QKI: variants seen among roughly 807,000 people sequenced by gnomAD.
The protein encoded by QKI is QKI, KH domain containing RNA binding, also known as KH domain-containing RNA-binding protein QKI.
QKI carries 10 observed loss-of-function variants against 39.0 expected under a neutral mutation model. That is an observed-to-expected ratio of 0.26 (90% confidence interval 0.16 to 0.43). The LOEUF is 0.43. QKI is among the 20% of genes least tolerant of loss of function. QKI has a pLI of 1.00. For missense variants in QKI, 218 were observed against 428.0 expected, an observed-to-expected ratio of 0.51 and a Z score of 4.33; for synonymous variants, 204 against 155.4, an observed-to-expected ratio of 1.31 and a Z score of -2.33.
intron 1 of QKI, among the ~76,000 whole-genome samples, chr6:163,427,188 A>AT (rs1478666311): frequency 7.5e-6 from 1 of 133,226 alleles, no homozygotes; most frequent in Non-Finnish European, 1.6e-5. Context: ...TCATTCATTC[A>AT]TTTTTATATT....
In QKI at chr6:163,574,251, A is replaced by T. The variant is rs1783855247; in HGVS notation, c.*3541A>T. The stretch of plus-strand genomic sequence containing the variant: ...TTGAACCATTTCTTTTAATTTCTGT[A>T]AATAAGTAATTTTATGGTCACATTG... On this transcript the variant is annotated 3_prime_UTR_variant, in exon 8 of 8. Transcript: ENST00000361752. 6.6e-6 allele frequency: 1 copy of T among 152,220 alleles called. No individual in the cohort carries two copies. The highest frequency in any genetic ancestry group is 1.5e-5 in the Non-Finnish European group (1 of 68,038). The allele number at this position is 152,220 out of a possible 1,614,324, so 9.4% of individuals were successfully genotyped here.
At chr6:163,497,590 T>C (rs1291815339) in intron 3 of QKI, among the ~76,000 whole-genome samples, 1 of 151,942 alleles carries the variant, frequency 6.6e-6, no homozygotes, top group Non-Finnish European at 1.5e-5. Context: ...AGATGTGCTA[T>C]ATTTATTACC....
chr6:163,566,987 A>G (rs1783402197), intron 7 of QKI, 192 bp downstream of exon 7: 3 of 1,345,720 alleles, frequency 2.2e-6, no homozygotes, highest in Middle Eastern at 2.8e-4. Flanking sequence ...TTCTCCCTTC[A>G]TATTTTAACT....
chr6:163,503,281 T>C (rs1278975051), intron 3 of QKI, among the ~76,000 whole-genome samples: 2 of 151,690 alleles, frequency 1.3e-5, no homozygotes, highest in Admixed American at 1.3e-4. Flanking sequence ...TGCGCCCAGC[T>C]GCTAATTTTT....
chr6:163,547,059 T>C (rs1476847414), intron 4 of QKI, among the ~76,000 whole-genome samples: 1 of 152,148 alleles, frequency 6.6e-6, no homozygotes, highest in Non-Finnish European at 1.5e-5. Context: ...TTGTAGAATA[T>C]AATATTTCTG....
chr6:163,421,991 C>A (rs1196041379), intron 1 of QKI, among the ~76,000 whole-genome samples: 3 of 151,852 alleles, frequency 2.0e-5, no homozygotes, highest in Non-Finnish European at 2.9e-5. Context: ...GATCTGACCG[C>A]CTCGGCTCTT....
intron 1 of QKI, among the ~76,000 whole-genome samples, chr6:163,451,599 A>G (rs1416169417): frequency 1.6e-4 from 24 of 152,154 alleles, no homozygotes. Flanking sequence ...TTCTCTTGAT[A>G]CTGGGGATAT....
intron 2 of QKI, among the ~76,000 whole-genome samples, chr6:163,459,094 A>G (rs1293432766): frequency 6.6e-6 from 1 of 152,188 alleles, no homozygotes; most frequent in Non-Finnish European, 1.5e-5. Flanking sequence ...GGTGAAGCCT[A>G]GCTTGATTGA....
At chr6:163,522,604 G>A (rs765754476) in intron 3 of QKI, among the ~76,000 whole-genome samples, 22 of 152,052 alleles carry the variant, frequency 1.4e-4, no homozygotes, top group Non-Finnish European at 2.5e-4. Flanking sequence ...AACTTTTAAC[G>A]TTCTGATTAT....
At chr6:163,561,464 C>T (rs1444821303) in intron 4 of QKI, among the ~76,000 whole-genome samples, 2 of 152,006 alleles carry the variant, frequency 1.3e-5, no homozygotes, top group Non-Finnish European at 2.9e-5. Flanking sequence ...AAAAATTAGC[C>T]AGGCATGGTG....
intron 1 of QKI, among the ~76,000 whole-genome samples, chr6:163,425,793 A>C (rs1788361705): frequency 6.6e-6 from 1 of 152,170 alleles, no homozygotes; most frequent in Non-Finnish European, 1.5e-5. Context: ...TTTTAGTTAG[A>C]GAATTGAGCT....
At chr6:163,531,051 TG>T (rs1469781215) in intron 3 of QKI, among the ~76,000 whole-genome samples, 1 of 152,210 alleles carries the variant, frequency 6.6e-6, no homozygotes, top group African/African-American at 2.4e-5. Flanking sequence ...TTTTGCTACT[TG>T]GAGAGTTCCT....
chr6:163,455,123 TG>T (rs1790827957), intron 1 of QKI, 155 bp from the exon 2 acceptor site: 2 of 519,436 alleles, frequency 3.9e-6, no homozygotes, highest in South Asian at 4.2e-5. Context: ...TGTTTAAACA[TG>T]GGCTTAATCC....
At chr6:163,538,084 T>G (rs1781310001) in intron 4 of QKI, among the ~76,000 whole-genome samples, 2 of 152,244 alleles carry the variant, frequency 1.3e-5, no homozygotes. Flanking sequence ...TATTTGAATT[T>G]CTTAAAGCTT....
At chr6:163,570,628 C>A (rs1583239501) in intron 7 of QKI, 66 bp from the exon 8 acceptor site, 1 of 1,593,896 alleles carries the variant, frequency 6.3e-7, no homozygotes, top group East Asian at 2.2e-5. Flanking sequence ...CTAGCTGAAA[C>A]TAATCTCTTC....
At chr6:163,441,096 C>T (rs1214070764) in intron 1 of QKI, among the ~76,000 whole-genome samples, 1 of 152,084 alleles carries the variant, frequency 6.6e-6, no homozygotes. Context: ...GCAATCCTGG[C>T]AGGAGCAGCC....
chr6:163,487,772 C>A (rs1395583110), intron 3 of QKI, among the ~76,000 whole-genome samples: 1 of 152,034 alleles, frequency 6.6e-6, no homozygotes, highest in African/African-American at 2.4e-5. Flanking sequence ...TTTCTCATTT[C>A]TGTTCTTTTT....
At chr6:163,552,420 C>T (rs1202870998) in intron 4 of QKI, among the ~76,000 whole-genome samples, 1 of 152,024 alleles carries the variant, frequency 6.6e-6, no homozygotes, top group Non-Finnish European at 1.5e-5. Context: ...CCGTGTTAGC[C>T]AGGATGGTCT....
chr6:163,499,446 AAG>A (rs1472836009), intron 3 of QKI, among the ~76,000 whole-genome samples: 3 of 152,220 alleles, frequency 2.0e-5, no homozygotes, highest in African/African-American at 7.2e-5. Context: ...AATGTAAAAG[AAG>A]AACATTTTAT....
Sources: gnomAD v4.1 joint callset for allele counts (sites outside exome capture counted in the v4.1 genomes callset) on GRCh38, gnomAD v4.1.1 for gene constraint, MANE v1.5 for transcripts, NCBI Gene and HGNC (gene_info 2026-07-23, HGNC 2026-07-21) for gene names.